The following SLC28A2 variants were observed in gnomAD, a reference collection of about 807,000 sequenced individuals.
SLC28A2 encodes solute carrier family 28 member 2.
Under a neutral mutation model 72.9 loss-of-function variants are expected in SLC28A2, and 69 were observed. That is an observed-to-expected ratio of 0.95 (90% CI 0.78 to 1.16). SLC28A2 has a LOEUF of 1.16. Ranked by LOEUF, SLC28A2 falls within the 50% of genes most tolerant of loss-of-function variation. The probability of loss-of-function intolerance (pLI) is 0.00; values close to 1 mark genes in which losing one functional copy is unlikely to be tolerated. For missense variants in SLC28A2, 745 were observed against 791.1 expected (o/e 0.94, Z 0.70); for synonymous variants, 296 against 294.1 (o/e 1.01, Z -0.07).
chr15:45,269,752 C>G (rs1265030831), intron 14 of SLC28A2, among the ~76,000 whole-genome samples: 1 of 152,214 alleles, frequency 6.6e-6, no homozygotes, highest in Non-Finnish European at 1.5e-5. Flanking sequence ...CTGCCACCCC[C>G]ACCACTGCCC....
In SLC28A2 at chr15:45,272,598, C is replaced by T. The variant is rs1900610615; in HGVS notation, c.1748-75C>T. 6 of 936,844 alleles carry T rather than the reference C, an allele frequency of 6.4e-6. 1 individual carries two copies. Among genetic ancestry groups the T allele is most frequent in the South Asian group, 4.1e-5 (3 of 73,042 alleles). The allele number at this position is 936,844 out of a possible 1,614,324, so 58.0% of individuals were successfully genotyped here. A position where few individuals can be genotyped will look rare whatever the true frequency, so the allele number is the denominator to read the frequency against. On this transcript the variant is annotated intron_variant, in intron 16 of 17. Transcript: ENST00000347644. ...CACCTAATCAAGAGTGTCCACAATT[C>T]GTGCCAAAAGAATAAAGAGCCTTGA... is the stretch of plus-strand genomic sequence containing the variant.
Position 45,275,425 on chromosome 15 carries a change from C to T in SLC28A2, c.1889C>T (p.Ser630Phe). The part of the protein sequence containing the change: ...STSLNGTNPP[S>F]FSGPWEDKEF... Reference sequence around the variant, plus strand: ...TCTCTGAATGGCACCAACCCTCCTTCTTTTTCTGGTCCCTGGGAAGATAAG... The same window carrying T: ...TCTCTGAATGGCACCAACCCTCCTTTTTTTTCTGGTCCCTGGGAAGATAAG... Residue 630 changes from serine (S) to phenylalanine (F), a missense_variant, in exon 18 of 18, where the codon TCT becomes TTT. Transcript: ENST00000347644. The T allele has an allele frequency of 6.2e-7, 1 of 1,613,588 alleles. No individual in the cohort carries two copies. The highest frequency in any genetic ancestry group is 8.5e-7 in the Non-Finnish European group (1 of 1,179,516).
rs759695966 is a variant in SLC28A2 at position 45,253,438 on chromosome 15, G to T, written c.88G>T (p.Glu30Ter). 5.6e-6 allele frequency: 9 copies of T among 1,613,336 alleles called. No individual in the cohort carries two copies. In the African/African-American group the frequency reaches 1.2e-4, roughly 22 times the overall value. The change falls in exon 3 of 18, where the codon GAA (glutamate) becomes TAA (stop). Residue 30 changes from glutamate to a stop codon, truncating the protein, a stop_gained. Transcript: ENST00000347644. LOFTEE classifies it high-confidence loss of function. ...ATGCTCTCTGTGCTTGTAGGAAAAA[G>T]AAGTAGAGCCTGAGGGAAGCAAGAG... ...VNPGLELMEK[E>*]VEPEGSKRTD... is the part of the protein sequence containing the mutation.
At chr15:45,265,061 CTCTG>C (rs745599215) in intron 7 of SLC28A2, 24 bp from the exon 8 acceptor site, 14 of 1,549,254 alleles carry the variant, frequency 9.0e-6, no homozygotes, top group Middle Eastern at 3.4e-4. Flanking sequence ...CATTCTTATT[CTCTG>C]TCTTTTTCTT....
intron 8 of SLC28A2, 96 bp downstream of exon 8, chr15:45,265,262 GTA>G: frequency 1.2e-6 from 1 of 859,264 alleles, no homozygotes; most frequent in Non-Finnish European, 2.0e-6. Context: ...CAGCGCCCCT[GTA>G]TACCAATTTG....
chr15:45,261,366 C>A (rs1449012613), intron 3 of SLC28A2, among the ~76,000 whole-genome samples: 1 of 152,130 alleles, frequency 6.6e-6, no homozygotes, highest in Non-Finnish European at 1.5e-5. Flanking sequence ...AGTTTCCATA[C>A]TGTAAAATGG....
chr15:45,261,916 C>T, intron 3 of SLC28A2, 99 bp from the exon 4 acceptor site: 1 of 804,450 alleles, frequency 1.2e-6, no homozygotes, highest in South Asian at 1.4e-5. Flanking sequence ...TGACTAAGAG[C>T]TAATTCTGCC....
intron 1 of SLC28A2, 121 bp from the exon 2 acceptor site, chr15:45,253,079 C>A: frequency 1.7e-6 from 1 of 591,536 alleles, no homozygotes; most frequent in South Asian, 2.3e-5. Flanking sequence ...AAGAAATCAA[C>A]TAAGCCTTCA....
At chr15:45,261,783 G>A (rs1900170980) in intron 3 of SLC28A2, among the ~76,000 whole-genome samples, 1 of 152,216 alleles carries the variant, frequency 6.6e-6, no homozygotes, top group South Asian at 2.1e-4. Context: ...GACTACCAAG[G>A]ATATTGCTAG....
At chr15:45,254,790 T>A (rs756084168) in intron 3 of SLC28A2, among the ~76,000 whole-genome samples, 4 of 152,234 alleles carry the variant, frequency 2.6e-5, no homozygotes, top group African/African-American at 4.8e-5. Context: ...TGCTTCTCTC[T>A]AAAAATTTTT....
At position 45,252,264 on chromosome 15, in the gene SLC28A2, A is replaced by G. The variant is rs1287159061; in HGVS notation, c.-31A>G. 7 of 455,814 alleles carry G rather than the reference A, an allele frequency of 1.5e-5. No individual in the cohort carries two copies. Among genetic ancestry groups the G allele is most frequent in the South Asian group, 6.2e-5 (4 of 64,568 alleles). 28.2% of individuals were successfully genotyped at this position (455,814 alleles called of 1,614,324 possible). ...TTCACTGAGGAGCCAGAGGGAATCAATTCCACAAGCTGGGGTAAGTAAAGG... is the reference window on the plus strand; with the variant it reads ...TTCACTGAGGAGCCAGAGGGAATCAGTTCCACAAGCTGGGGTAAGTAAAGG... On this transcript the variant is annotated 5_prime_UTR_variant, in exon 1 of 18. Coordinates refer to ENST00000347644, the MANE Select transcript of SLC28A2 (RefSeq NM_004212.4).
At chr15:45,269,178 A>AAG (rs1900455297) in intron 13 of SLC28A2, among the ~76,000 whole-genome samples, 160 bp from the exon 14 acceptor site, 1 of 152,074 alleles carries the variant, frequency 6.6e-6, no homozygotes, top group African/African-American at 2.4e-5. Context: ...AATAATAAAA[A>AAG]AAAAACAACC....
intron 10 of SLC28A2, 53 bp downstream of exon 10, chr15:45,266,214 G>C: frequency 7.8e-7 from 1 of 1,286,934 alleles, no homozygotes; most frequent in Non-Finnish European, 1.1e-6. Flanking sequence ...CTGAGAATTT[G>C]GCACAAAACA....
At chr15:45,266,319 G>A (rs911143119) in intron 10 of SLC28A2, among the ~76,000 whole-genome samples, 158 bp downstream of exon 10, 1 of 152,192 alleles carries the variant, frequency 6.6e-6, no homozygotes, top group African/African-American at 2.4e-5. Flanking sequence ...AGAAGACTCT[G>A]CTCATTGCGT....
chr15:45,263,782 T>C lies in SLC28A2; in HGVS notation c.447-99T>C, dbSNP rs1900235838. Reference sequence around the variant, plus strand: ...ACAATGGCACATGCATGGCCTTTGATCACAGGCCAGGAGTGAGAGAATAAC... The same window carrying C: ...ACAATGGCACATGCATGGCCTTTGACCACAGGCCAGGAGTGAGAGAATAAC... On this transcript the variant is annotated intron_variant, in intron 5 of 17. Transcript: ENST00000347644. The C allele has an allele frequency of 2.4e-6, 3 of 1,254,116 alleles. No homozygotes were observed. In the South Asian group the frequency reaches 5.0e-5, roughly 21 times the overall value. 77.7% of individuals were successfully genotyped at this position (1,254,116 alleles called of 1,614,324 possible). A position where few individuals can be genotyped will look rare whatever the true frequency, so the allele number is the denominator to read the frequency against.
At chr15:45,254,220 A>G (rs1239438083) in intron 3 of SLC28A2, among the ~76,000 whole-genome samples, 2 of 124,104 alleles carry the variant, frequency 1.6e-5, no homozygotes. Flanking sequence ...TGCAGAAGTC[A>G]TACACTAAAA....
At chr15:45,270,650 CAG>C (rs1219112005) in intron 15 of SLC28A2, among the ~76,000 whole-genome samples, 6 of 151,486 alleles carry the variant, frequency 4.0e-5, no homozygotes, top group Non-Finnish European at 1.5e-5. Flanking sequence ...TTTTTTGAAA[CAG>C]AGTCTCACTC....
chr15:45,253,693 G>C (rs1899884039), intron 3 of SLC28A2, 173 bp downstream of exon 3: 1 of 530,282 alleles, frequency 1.9e-6, no homozygotes, highest in Non-Finnish European at 3.4e-6. Context: ...AAAAAAAAAG[G>C]AGTTCAGCAG....
At chr15:45,263,010 C>A in intron 4 of SLC28A2, 51 bp from the exon 5 acceptor site, 1 of 1,490,798 alleles carries the variant, frequency 6.7e-7, no homozygotes, top group Non-Finnish European at 9.2e-7. Flanking sequence ...TTTCATTTGC[C>A]CATTGGAAGC....
Sources: gnomAD v4.1 joint callset for allele counts (sites outside exome capture counted in the v4.1 genomes callset) on GRCh38, gnomAD v4.1.1 for gene constraint, MANE v1.5 for transcripts, NCBI Gene and HGNC (gene_info 2026-07-23, HGNC 2026-07-21) for gene names.